The following CTNNA3 variants were observed in gnomAD, a reference collection of about 807,000 sequenced individuals.
The protein encoded by CTNNA3 is catenin alpha-3.
A neutral mutation model predicts 95.7 loss-of-function variants in CTNNA3; 76 were observed. That is an observed-to-expected ratio of 0.79 (90% CI 0.66 to 0.96). The LOEUF is 0.96. Among genes scored for constraint, CTNNA3 ranks in the 40% least tolerant of loss-of-function variants. The probability of loss-of-function intolerance (pLI) is 0.00; values close to 1 mark genes in which losing one functional copy is unlikely to be tolerated. For synonymous variants in CTNNA3, 431 were observed against 374.4 expected (o/e 1.15, Z -1.74); for missense variants, 1,191 against 1,089.8 (o/e 1.09, Z -1.31).
chr10:67,504,417 C>A (rs1409956443), intron 5 of CTNNA3, among the ~76,000 whole-genome samples: 5 of 97,156 alleles, frequency 5.1e-5, no homozygotes, highest in South Asian at 8.8e-4. Context: ...GCCTGGGCAA[C>A]AGAGTGAGAC....
chr10:66,664,293 T>A (rs1018058330), intron 9 of CTNNA3, among the ~76,000 whole-genome samples: 2 of 152,114 alleles, frequency 1.3e-5, no homozygotes, highest in Non-Finnish European at 2.9e-5. Flanking sequence ...AATAGTTTTT[T>A]TAAAAAGTGT....
chr10:66,191,962 G>A (rs766002369), intron 13 of CTNNA3, among the ~76,000 whole-genome samples: 2 of 152,106 alleles, frequency 1.3e-5, no homozygotes, highest in Non-Finnish European at 2.9e-5. Context: ...TATCCTAAGT[G>A]AGTTTCAGTC....
At chr10:67,464,971 A>G (rs544226601) in intron 5 of CTNNA3, among the ~76,000 whole-genome samples, 14 of 152,150 alleles carry the variant, frequency 9.2e-5, no homozygotes, top group African/African-American at 3.4e-4. Context: ...AATACCTAAA[A>G]GATTTTTAAT....
At chr10:67,730,207 C>G (rs1008791832) in intron 1 of CTNNA3, among the ~76,000 whole-genome samples, 4 of 152,022 alleles carry the variant, frequency 2.6e-5, no homozygotes, top group Non-Finnish European at 5.9e-5. Flanking sequence ...TACACATACT[C>G]GAGCTAAAAA....
intron 3 of CTNNA3, 113 bp from the exon 4 acceptor site, chr10:67,539,782 AT>A: frequency 1.1e-6 from 1 of 882,756 alleles, no homozygotes; most frequent in South Asian, 2.1e-5. Context: ...TAATATAAAA[AT>A]ATTGTCAGTT....
At chr10:67,202,083 T>C (rs1339156054) in intron 6 of CTNNA3, among the ~76,000 whole-genome samples, 2 of 152,218 alleles carry the variant, frequency 1.3e-5, no homozygotes, top group South Asian at 2.1e-4. Context: ...CAAAAATTTC[T>C]TTTTAGAATT....
intron 7 of CTNNA3, among the ~76,000 whole-genome samples, chr10:66,900,374 A>G (rs911093899): frequency 1.3e-5 from 2 of 152,168 alleles, no homozygotes; most frequent in South Asian, 2.1e-4. Context: ...CAGGTCACCA[A>G]TGTCAAAGAC....
intron 9 of CTNNA3, among the ~76,000 whole-genome samples, chr10:66,684,657 G>T (rs1372166032): frequency 6.6e-6 from 1 of 152,096 alleles, no homozygotes; most frequent in East Asian, 1.9e-4. Flanking sequence ...AACTCTGTGA[G>T]TATATTAAAT....
At chr10:66,681,263 C>T (rs527499189) in intron 9 of CTNNA3, among the ~76,000 whole-genome samples, 7 of 152,168 alleles carry the variant, frequency 4.6e-5, no homozygotes, top group African/African-American at 1.4e-4. Context: ...TGCATATTAC[C>T]CTGACTCATT....
chr10:67,159,079 A>C (rs1173772585), intron 7 of CTNNA3, among the ~76,000 whole-genome samples: 2 of 152,222 alleles, frequency 1.3e-5, no homozygotes, highest in African/African-American at 2.4e-5. Flanking sequence ...AAATCAACTC[A>C]TAACTTAAAA....
intron 11 of CTNNA3, among the ~76,000 whole-genome samples, chr10:66,467,120 C>T (rs1019347664): frequency 6.6e-6 from 1 of 152,060 alleles, no homozygotes; most frequent in East Asian, 1.9e-4. Context: ...ATGTCTATAG[C>T]ATTCTTTATC....
intron 5 of CTNNA3, among the ~76,000 whole-genome samples, chr10:67,393,797 T>C (rs1309205373): frequency 6.6e-6 from 1 of 152,100 alleles, no homozygotes; most frequent in Non-Finnish European, 1.5e-5. Context: ...AAGGTAAAAT[T>C]AGGTTTCTAC....
At chr10:66,387,374 G>A (rs1297009303) in intron 11 of CTNNA3, among the ~76,000 whole-genome samples, 1 of 152,146 alleles carries the variant, frequency 6.6e-6, no homozygotes, top group East Asian at 1.9e-4. Flanking sequence ...TCAGAGAACT[G>A]CAAATCAAAA....
intron 3 of CTNNA3, among the ~76,000 whole-genome samples, chr10:67,570,947 T>C (rs1255495475): frequency 4.6e-5 from 7 of 152,106 alleles, no homozygotes; most frequent in Non-Finnish European, 1.0e-4. Context: ...AATGATAAAT[T>C]TGGAATAAAC....
intron 9 of CTNNA3, among the ~76,000 whole-genome samples, chr10:66,697,282 A>G (rs1847801046): frequency 2.0e-5 from 3 of 150,306 alleles, no homozygotes; most frequent in Admixed American, 6.7e-5. Context: ...ATAGATATCT[A>G]TCAGAAAGCA....
chr10:66,464,737 T>C (rs1838832700), intron 11 of CTNNA3, among the ~76,000 whole-genome samples: 1 of 151,572 alleles, frequency 6.6e-6, no homozygotes, highest in Non-Finnish European at 1.5e-5. Flanking sequence ...CACTTCAGCC[T>C]GTGTGACGGA....
At chr10:67,408,393 G>A (rs1251885593) in intron 5 of CTNNA3, among the ~76,000 whole-genome samples, 3 of 152,010 alleles carry the variant, frequency 2.0e-5, no homozygotes, top group African/African-American at 7.3e-5. Context: ...CAGACACATA[G>A]ACCAATGGAA....
intron 10 of CTNNA3, among the ~76,000 whole-genome samples, chr10:66,576,799 G>T (rs1843016771): frequency 6.6e-6 from 1 of 151,740 alleles, no homozygotes; most frequent in Non-Finnish European, 1.5e-5. Context: ...ACATATGAGT[G>T]CATGCATCTT....
At chr10:66,728,251 A>G (rs1179168143) in intron 9 of CTNNA3, among the ~76,000 whole-genome samples, 2 of 152,160 alleles carry the variant, frequency 1.3e-5, no homozygotes, top group African/African-American at 4.8e-5. Flanking sequence ...AAGCAGAAAT[A>G]ATGTGTGACA....
Sources: gnomAD v4.1 joint callset for allele counts (sites outside exome capture counted in the v4.1 genomes callset) on GRCh38, gnomAD v4.1.1 for gene constraint, MANE v1.5 for transcripts, NCBI Gene and HGNC (gene_info 2026-07-23, HGNC 2026-07-21) for gene names.